The following DDX50 variants were observed in gnomAD, a reference collection of about 807,000 sequenced individuals.
DDX50 encodes DExD-box helicase 50.
Under a neutral mutation model 94.8 loss-of-function variants are expected in DDX50, and 56 were observed. The observed-to-expected ratio is 0.59, with a 90% CI of 0.48 to 0.74. DDX50 has a LOEUF of 0.74. DDX50 is among the 30% of genes least tolerant of loss of function. DDX50 has a pLI of 0.00. For synonymous variants in DDX50, 264 were observed against 295.4 expected (o/e 0.89, Z 1.09); for missense variants, 713 against 881.2 (o/e 0.81, Z 2.42).
chr10:68,912,757 G>A (rs1841668397), intron 4 of DDX50, among the ~76,000 whole-genome samples: 1 of 152,186 alleles, frequency 6.6e-6, no homozygotes. Flanking sequence ...TGAGTTTCCT[G>A]TACTGTACCA....
chr10:68,937,792 G>A (rs1005880572), intron 12 of DDX50, among the ~76,000 whole-genome samples: 7 of 151,984 alleles, frequency 4.6e-5, no homozygotes, highest in African/African-American at 1.4e-4. Flanking sequence ...CACCATATTG[G>A]TCAGGCTGGT....
intron 7 of DDX50, 31 bp downstream of exon 7, chr10:68,914,235 G>A: frequency 1.2e-6 from 2 of 1,601,016 alleles, no homozygotes; most frequent in Non-Finnish European, 8.5e-7. Flanking sequence ...ATAGATTTTA[G>A]CTTTTAGTTG....
intron 8 of DDX50, among the ~76,000 whole-genome samples, chr10:68,924,522 T>C (rs559873672): frequency 7.9e-5 from 12 of 152,328 alleles, no homozygotes; most frequent in African/African-American, 2.9e-4. Flanking sequence ...CTGTTGCTCA[T>C]TTTTAAATTA....
intron 1 of DDX50, among the ~76,000 whole-genome samples, chr10:68,902,111 ATAAG>A (rs1342378282): frequency 6.6e-6 from 1 of 151,588 alleles, no homozygotes; most frequent in Non-Finnish European, 1.5e-5. Flanking sequence ...GTTAAACTAA[ATAAG>A]TAAAGAAATG....
intron 8 of DDX50, among the ~76,000 whole-genome samples, chr10:68,933,724 A>G (rs185444892): frequency 6.6e-6 from 1 of 152,034 alleles, no homozygotes; most frequent in African/African-American, 2.4e-5. Context: ...ACCTGAGGTC[A>G]GCGAGTTCAA....
intron 8 of DDX50, among the ~76,000 whole-genome samples, chr10:68,920,960 AAAAAG>A (rs1304914304): frequency 8.9e-5 from 8 of 89,614 alleles, no homozygotes; most frequent in South Asian, 4.0e-4. Context: ...AAAAAAAAAA[AAAAAG>A]AAAGGGAAAA....
chr10:68,910,934 G>T, intron 3 of DDX50, 134 bp from the exon 4 acceptor site: 1 of 584,266 alleles, frequency 1.7e-6, no homozygotes, highest in Non-Finnish European at 2.7e-6. Context: ...CTTGTTTGTG[G>T]TAGGAATAAC....
chr10:68,931,388 A>AT lies in DDX50; in HGVS notation c.1240-2811_1240-2810insT, dbSNP rs1228128300. Among the ~76,000 whole-genome samples the AT allele has an allele frequency of 3.6e-3, 171 of 47,280 alleles. 2 individuals are homozygous for AT. Among genetic ancestry groups the AT allele is most frequent in the African/African-American group, 0.017 (168 of 10,136 alleles). The allele number at this position is 47,280 out of a possible 152,430, so 31.0% of individuals were successfully genotyped here. ...TGGGTGGGTGACGGATCATTAAAAA[A>AT]AAAAATATATATATATATATATGTA... is the stretch of plus-strand genomic sequence containing the variant. On this transcript the variant is annotated intron_variant, in intron 8 of 14. Transcript: ENST00000373585.
intron 7 of DDX50, among the ~76,000 whole-genome samples, chr10:68,915,723 A>T (rs980952571): frequency 6.6e-6 from 1 of 152,038 alleles, no homozygotes; most frequent in Non-Finnish European, 1.5e-5. Context: ...TCAAAAAAAA[A>T]AAAAAGAAAA....
Position 68,910,292 on chromosome 10 carries a change from A to G in DDX50, c.385-15A>G. On this transcript the variant is annotated splice_polypyrimidine_tract_variant and intron_variant, in intron 2 of 14. Transcript: ENST00000373585. ...TGAGTATAAATTATTTAGGCCATTG[A>G]TTTCATTTTTACAGACCTTAACACG... 6.3e-7 allele frequency: 1 copy of G among 1,583,970 alleles called. No individual in the cohort carries two copies. Among genetic ancestry groups the G allele is most frequent in the Admixed American group, 1.9e-5 (1 of 51,376 alleles).
intron 12 of DDX50, among the ~76,000 whole-genome samples, chr10:68,937,399 A>T (rs534487783): frequency 0.041 from 490 of 12,050 alleles, 7 homozygotes; most frequent in Admixed American, 0.05. Flanking sequence ...ATTTGTAATT[A>T]AAAAAAAAAT....
chr10:68,914,006 G>A (rs895255604), intron 6 of DDX50, 53 bp from the exon 7 acceptor site: 1 of 1,485,244 alleles, frequency 6.7e-7, no homozygotes, highest in Non-Finnish European at 9.0e-7. Flanking sequence ...TTTAAGAGCG[G>A]GCTACATCGT....
intron 8 of DDX50, 116 bp downstream of exon 8, chr10:68,920,097 AGGCTGGGCATGG>A: frequency 7.6e-7 from 1 of 1,310,716 alleles, no homozygotes; most frequent in Non-Finnish European, 1.1e-6. Flanking sequence ...CTGAGTTGTA[AGGCTGGGCATGG>A]TGGCCCACAC....
At chr10:68,943,313 T>C in intron 14 of DDX50, 56 bp downstream of exon 14, 1 of 1,393,794 alleles carries the variant, frequency 7.2e-7, no homozygotes, top group Non-Finnish European at 9.9e-7. Context: ...ACATTTAGAT[T>C]GGGATATTTT....
rs377704152 is a variant in DDX50, at chr10:68,901,371, G to A, written c.-14G>A. On this transcript the variant is annotated 5_prime_UTR_variant, in exon 1 of 15. Coordinates refer to ENST00000373585, the MANE Select transcript of DDX50 (RefSeq NM_024045.2). ...GTGGCCACTGTGCCCGGAGGGAGGC[G>A]GCGGTGGCCAGTAATGCCTGGGAAA... 106 of 1,532,202 alleles carry A rather than the reference G, an allele frequency of 6.9e-5. No homozygotes were observed. The African/African-American group carries it at 1.4e-3, about 20-fold the overall frequency. The allele number at this position is 1,532,202 out of a possible 1,614,324, so 94.9% of individuals were successfully genotyped here. A position where few individuals can be genotyped will look rare whatever the true frequency, so the allele number is the denominator to read the frequency against.
chr10:68,920,000 C>T lies in DDX50; in HGVS notation c.1239+19C>T. On this transcript the variant is annotated intron_variant, in intron 8 of 14. Coordinates refer to ENST00000373585, the MANE Select transcript of DDX50 (RefSeq NM_024045.2). The stretch of plus-strand genomic sequence containing the variant: ...AAAACAGGTAAGTCTTTTTTTCATG[C>T]TTTCTCTAATTGAAATTATGGGGAT... 1 of 1,612,584 alleles carries T rather than the reference C, an allele frequency of 6.2e-7. No homozygotes were observed. The highest frequency in any genetic ancestry group is 8.5e-7 in the Non-Finnish European group (1 of 1,179,450).
Position 68,934,392 on chromosome 10 carries a change from A to C in DDX50, c.1401+32A>C. On this transcript the variant is annotated intron_variant, in intron 9 of 14. Transcript: ENST00000373585. The surrounding 1 kb of genome is among the most constrained non-coding windows in gnomAD (Gnocchi z 4.0). ...AATGGGATTTGATTTGGGAAAAATA[A>C]GAGCAATTTTATAAATTCCCATTTA... 6.2e-7 allele frequency: 1 copy of C among 1,608,458 alleles called. No individual in the cohort carries two copies. The highest frequency in any genetic ancestry group is 8.5e-7 in the Non-Finnish European group (1 of 1,178,702).
Position 68,936,043 on chromosome 10 carries a change from T to A in DDX50, c.1559T>A (p.Met520Lys). Reference protein sequence around the residue: ...TFKRVGVPSTMDLVKSKSMDA... With the variant: ...TFKRVGVPSTKDLVKSKSMDA... ...AAACGTGTAGGTGTTCCTTCTACAA[T>A]GGATTTAGTTAAATCTAAAAGCATG... Residue 520 changes from methionine (M) to lysine (K), a missense_variant, in exon 11 of 15, where the codon ATG becomes AAG. Transcript: ENST00000373585. 2 of 1,610,692 alleles carry A rather than the reference T, an allele frequency of 1.2e-6. No individual in the cohort carries two copies. Among genetic ancestry groups the A allele is most frequent in the Non-Finnish European group, 1.7e-6 (2 of 1,178,838 alleles).
intron 14 of DDX50, among the ~76,000 whole-genome samples, chr10:68,945,568 A>C (rs1206545370): frequency 6.6e-6 from 1 of 152,126 alleles, no homozygotes; most frequent in African/African-American, 2.4e-5. Flanking sequence ...CGGCCTCCCA[A>C]AGTGCTGGGA....
Sources: allele counts gnomAD v4.1 joint callset (sites outside exome capture counted in the v4.1 genomes callset), GRCh38; gene constraint gnomAD v4.1.1; non-coding constraint Gnocchi (gnomAD v3.1); transcripts MANE v1.5; gene names NCBI Gene and HGNC (gene_info 2026-07-23, HGNC 2026-07-21).